Variants in UBE2D2 observed in about 807,000 individuals in gnomAD.
UBE2D2 encodes ubiquitin-conjugating enzyme E2 D2.
UBE2D2 carries 2 observed loss-of-function variants against 24.2 expected under a neutral mutation model. The observed-to-expected ratio is 0.08, with a 90% CI of 0.03 to 0.26. The LOEUF is 0.26. Ranked by LOEUF, UBE2D2 falls within the 10% of genes least tolerant of loss-of-function variation. UBE2D2 has a pLI of 1.00. For synonymous variants in UBE2D2, 58 were observed against 56.5 expected, an observed-to-expected ratio of 1.03 and a Z score of -0.12; for missense variants, 44 against 177.6, an observed-to-expected ratio of 0.25 and a Z score of 4.28.
At chr5:139,550,375 CACCAATCAGCACCCTGTCAAAACAG>C (rs1752894508) in intron 1 of UBE2D2, among the ~76,000 whole-genome samples, 2 of 152,132 alleles carry the variant, frequency 1.3e-5, no homozygotes, top group African/African-American at 4.8e-5. Context: ...ATTGTAAATG[CACCAATCAGCACCCTGTCAAAACAG>C]ACCAATCAGC....
At chr5:139,534,606 CAT>C (rs1437219894) in intron 1 of UBE2D2, among the ~76,000 whole-genome samples, 1 of 149,616 alleles carries the variant, frequency 6.7e-6, no homozygotes, top group Non-Finnish European at 1.5e-5. Context: ...CATGGTGGCA[CAT>C]GTCTGTAATC....
At chr5:139,606,726 A>G (rs1424910551) in intron 2 of UBE2D2, among the ~76,000 whole-genome samples, 1 of 152,324 alleles carries the variant, frequency 6.6e-6, no homozygotes, top group African/African-American at 2.4e-5. Flanking sequence ...AAATGTAGCA[A>G]TATTTTATGC....
intron 1 of UBE2D2, among the ~76,000 whole-genome samples, chr5:139,584,842 T>G (rs1304334984): frequency 6.6e-6 from 1 of 151,854 alleles, no homozygotes; most frequent in East Asian, 1.9e-4. Flanking sequence ...CCAAAACACC[T>G]TTTTCATTCA....
intron 1 of UBE2D2, among the ~76,000 whole-genome samples, chr5:139,591,531 T>C (rs535237627): frequency 6.6e-6 from 1 of 152,244 alleles, no homozygotes; most frequent in Admixed American, 6.5e-5. Flanking sequence ...CAGGGAGAGA[T>C]TGATATTGAT....
At chr5:139,611,229 C>T (rs1405921866) in intron 2 of UBE2D2, among the ~76,000 whole-genome samples, 3 of 125,944 alleles carry the variant, frequency 2.4e-5, no homozygotes, top group Admixed American at 9.8e-5. Context: ...TCTTGTTTCC[C>T]AGGCTGGAGT....
chr5:139,542,129 G>A (rs1752769280), intron 1 of UBE2D2, among the ~76,000 whole-genome samples: 1 of 152,196 alleles, frequency 6.6e-6, no homozygotes, highest in South Asian at 2.1e-4. Context: ...GGAGGTTGCA[G>A]TGAGCTGAGA....
Position 139,602,579 on chromosome 5 carries a change from A to G in UBE2D2, c.88+2144A>G, listed in dbSNP as rs114312400. On this transcript the variant is annotated intron_variant, in intron 2 of 6. Coordinates refer to ENST00000398733, the MANE Select transcript of UBE2D2 (RefSeq NM_003339.3). ...TGTAGCCCCAGCTACTCAGGAGTTTAAGGTGGGAGGATCGCTTGAGTCCAG... is the reference window on the plus strand; with the variant it reads ...TGTAGCCCCAGCTACTCAGGAGTTTGAGGTGGGAGGATCGCTTGAGTCCAG... Among the ~76,000 whole-genome samples, 1,177 of 152,052 alleles carry G rather than the reference A, an allele frequency of 7.7e-3. 8 individuals are homozygous for G. The highest frequency in any genetic ancestry group is 0.041 in the Middle Eastern group (12 of 294).
intron 1 of UBE2D2, 159 bp downstream of exon 1, chr5:139,561,974 C>G: frequency 9.4e-7 from 1 of 1,068,064 alleles, no homozygotes; most frequent in Non-Finnish European, 1.3e-6. Flanking sequence ...TGATGGCGCC[C>G]GTGGAGGCCC....
At chr5:139,541,555 G>A (rs1396557842) in intron 1 of UBE2D2, among the ~76,000 whole-genome samples, 2 of 143,956 alleles carry the variant, frequency 1.4e-5, no homozygotes, top group Non-Finnish European at 3.1e-5. Flanking sequence ...AGCCAAGATC[G>A]GGCCACTGCA....
At chr5:139,589,370 C>T (rs59113287) in intron 1 of UBE2D2, among the ~76,000 whole-genome samples, 1 of 152,002 alleles carries the variant, frequency 6.6e-6, no homozygotes, top group African/African-American at 2.4e-5. Context: ...ACTAGCCTGA[C>T]CAATATAGTG....
intron 1 of UBE2D2, among the ~76,000 whole-genome samples, chr5:139,529,855 C>CG (rs1194289289): frequency 6.6e-6 from 1 of 152,062 alleles, no homozygotes; most frequent in Non-Finnish European, 1.5e-5. Flanking sequence ...TTCCATTAGC[C>CG]GAACATGTAG....
intron 1 of UBE2D2, among the ~76,000 whole-genome samples, chr5:139,545,473 C>T (rs554913494): frequency 6.8e-6 from 1 of 147,564 alleles, no homozygotes; most frequent in East Asian, 2.0e-4. Context: ...GTTGCCCAGG[C>T]TGGAGCACAA....
At chr5:139,541,773 C>T (rs980903101) in intron 1 of UBE2D2, among the ~76,000 whole-genome samples, 4 of 151,810 alleles carry the variant, frequency 2.6e-5, no homozygotes, top group Non-Finnish European at 5.9e-5. Context: ...AAAAAGTCTC[C>T]GGGCTCAGTG....
chr5:139,618,235 A>G (rs1581532933), intron 5 of UBE2D2, among the ~76,000 whole-genome samples: 1 of 152,104 alleles, frequency 6.6e-6, no homozygotes, highest in Non-Finnish European at 1.5e-5. Flanking sequence ...CAGCCTCCCA[A>G]AGTGCTGGGA....
At chr5:139,594,794 A>T (rs1046339018) in intron 1 of UBE2D2, among the ~76,000 whole-genome samples, 6 of 152,154 alleles carry the variant, frequency 3.9e-5, no homozygotes, top group African/African-American at 1.4e-4. Context: ...AAACATAATT[A>T]TATATACATT....
At chr5:139,598,006 A>G (rs1418393794) in intron 1 of UBE2D2, among the ~76,000 whole-genome samples, 3 of 152,072 alleles carry the variant, frequency 2.0e-5, no homozygotes, top group Non-Finnish European at 2.9e-5. Context: ...GGTTCACACC[A>G]TTCTTCTGCC....
chr5:139,535,062 C>T (rs949989506), intron 1 of UBE2D2, among the ~76,000 whole-genome samples: 1 of 151,830 alleles, frequency 6.6e-6, no homozygotes, highest in African/African-American at 2.4e-5. Flanking sequence ...ATCGCTTGAA[C>T]CTGGGAGGCA....
chr5:139,621,185 A>T (rs547983325), intron 5 of UBE2D2, among the ~76,000 whole-genome samples: 1 of 152,200 alleles, frequency 6.6e-6, no homozygotes, highest in African/African-American at 2.4e-5. Flanking sequence ...TTAGGCTGCA[A>T]TGAGCCAAGA....
chr5:139,543,818 TA>T (rs1752788443), intron 1 of UBE2D2, among the ~76,000 whole-genome samples: 1 of 152,282 alleles, frequency 6.6e-6, no homozygotes, highest in African/African-American at 2.4e-5. Flanking sequence ...TTCCTTAATG[TA>T]AATTAGAGGG....
Sources: gnomAD v4.1 joint callset for allele counts (sites outside exome capture counted in the v4.1 genomes callset) on GRCh38, gnomAD v4.1.1 for gene constraint, MANE v1.5 for transcripts, NCBI Gene and HGNC (gene_info 2026-07-23, HGNC 2026-07-21) for gene names.